The following SUMO2 variants were observed in gnomAD, a reference collection of about 807,000 sequenced individuals.
SUMO2 encodes the protein small ubiquitin-related modifier 2.
A neutral mutation model predicts 16.0 loss-of-function variants in SUMO2; 1 was observed. The ratio of observed to expected loss-of-function variants is 0.06; its 90% CI spans 0.02 to 0.30. SUMO2 has a LOEUF of 0.30. Among genes scored for constraint, SUMO2 ranks in the 10% least tolerant of loss-of-function variants. The probability of loss-of-function intolerance (pLI) is 1.00; values close to 1 mark genes in which losing one functional copy is unlikely to be tolerated. For missense variants in SUMO2, 16 were observed against 117.5 expected, an observed-to-expected ratio of 0.14 and a Z score of 3.99; for synonymous variants, 36 against 40.6, an observed-to-expected ratio of 0.89 and a Z score of 0.43.
chr17:75,180,915 T>C, intron 2 of SUMO2, 142 bp downstream of exon 2: 1 of 879,582 alleles, frequency 1.1e-6, no homozygotes, highest in Non-Finnish European at 1.8e-6. Context: ...ATATACCAAG[T>C]GCACGACAAA....
chr17:75,166,568 C>T lies in SUMO2; in HGVS notation c.*1771G>A, dbSNP rs2074694645. On this transcript the variant is annotated 3_prime_UTR_variant, in exon 4 of 4. Coordinates refer to ENST00000420826, the MANE Select transcript of SUMO2 (RefSeq NM_006937.4). ...CATTGGGAGGCTAAGGCAGATAGATCACTTAAGATCAGGGGTTTGAGCCCG... is the reference window on the plus strand; with the variant it reads ...CATTGGGAGGCTAAGGCAGATAGATTACTTAAGATCAGGGGTTTGAGCCCG... 1 of 152,178 alleles carries T rather than the reference C, an allele frequency of 6.6e-6. No homozygotes were observed. Among genetic ancestry groups the T allele is most frequent in the African/African-American group, 2.4e-5 (1 of 41,444 alleles). 9.4% of individuals were successfully genotyped at this position (152,178 alleles called of 1,614,324 possible).
intron 3 of SUMO2, among the ~76,000 whole-genome samples, chr17:75,174,509 G>C (rs2074766758): frequency 6.6e-6 from 1 of 152,066 alleles, no homozygotes; most frequent in African/African-American, 2.4e-5. Context: ...TTCAACCCGG[G>C]CAACAGAGAG....
intron 2 of SUMO2, 36 bp from the exon 3 acceptor site, chr17:75,174,859 G>C (rs543604299): frequency 1.3e-6 from 2 of 1,572,242 alleles, no homozygotes; most frequent in Non-Finnish European, 1.7e-6. Context: ...ACAGCATTAA[G>C]AGAAACAGAA....
rs1205746665 is a variant in SUMO2, at chr17:75,169,055, CA to C, written c.226-655del. Reference sequence around the variant, plus strand: ...GCAACATAGGGAGACAACATCTCTACAAAAAAAAAAAGGAAAAAAAAAAAAA... The same window carrying C: ...GCAACATAGGGAGACAACATCTCTACAAAAAAAAAAGGAAAAAAAAAAAAA... On this transcript the variant is annotated intron_variant, in intron 3 of 3. Transcript: ENST00000420826. Among the ~76,000 whole-genome samples, 638 of 63,906 alleles carry C rather than the reference CA, an allele frequency of 1.0e-2. 3 individuals are homozygous for C. The highest frequency in any genetic ancestry group is 0.03 in the African/African-American group (564 of 18,702). The allele number at this position is 63,906 out of a possible 152,430, so 41.9% of individuals were successfully genotyped here.
At chr17:75,175,100 C>G (rs1274195146) in intron 2 of SUMO2, among the ~76,000 whole-genome samples, 3 of 152,014 alleles carry the variant, frequency 2.0e-5, no homozygotes, top group Non-Finnish European at 4.4e-5. Context: ...TCTGCCTTAG[C>G]CTCCCAAGAG....
chr17:75,182,646 A>C (rs1362579767), intron 1 of SUMO2, 168 bp downstream of exon 1: 2 of 416,754 alleles, frequency 4.8e-6, no homozygotes, highest in Non-Finnish European at 3.7e-6. Context: ...GGGAGGGAGG[A>C]AGAGAGGGAG....
intron 1 of SUMO2, 97 bp from the exon 2 acceptor site, chr17:75,181,285 G>A: frequency 7.7e-7 from 1 of 1,301,254 alleles, no homozygotes; most frequent in East Asian, 2.4e-5. Flanking sequence ...AAATCAACAG[G>A]TTTCTCATAC....
Position 75,168,407 on chromosome 17 carries a change from A to G in SUMO2, c.226-6T>C. 1.9e-6 allele frequency: 3 copies of G among 1,604,368 alleles called. No homozygotes were observed. Among genetic ancestry groups the G allele is most frequent in the Non-Finnish European group, 1.7e-6 (2 of 1,175,568 alleles). ...TCTTCATCCTCCATTTCCAACTAGC[A>G]TAAAAGAAAAAACAAATGTAAAAGC... On this transcript the variant is annotated splice_region_variant and splice_polypyrimidine_tract_variant and intron_variant, in intron 3 of 3. Transcript: ENST00000420826.
chr17:75,180,362 C>T (rs1428095210), intron 2 of SUMO2, among the ~76,000 whole-genome samples: 2 of 95,554 alleles, frequency 2.1e-5, no homozygotes, highest in African/African-American at 3.6e-5. Flanking sequence ...TAAGTTCTAG[C>T]TTAAAAGAAA....
chr17:75,182,497 C>T (rs1338349939), intron 1 of SUMO2: 1 of 219,122 alleles, frequency 4.6e-6, no homozygotes, highest in Non-Finnish European at 8.9e-6. Context: ...TCCTCACGCG[C>T]GCCGGCCGGC....
Position 75,182,876 on chromosome 17 carries a change from G to A in SUMO2, c.-42C>T. On this transcript the variant is annotated 5_prime_UTR_variant, in exon 1 of 4. Coordinates refer to ENST00000420826, the MANE Select transcript of SUMO2 (RefSeq NM_006937.4). ...TCCTCAGCTGCCGCTTCACAAAAGA[G>A]GTACCAGGTCCGCACCAAACGAGCA... 7.3e-7 allele frequency: 1 copy of A among 1,372,920 alleles called. No individual in the cohort carries two copies. The highest frequency in any genetic ancestry group is 9.5e-7 in the Non-Finnish European group (1 of 1,054,746). The allele number at this position is 1,372,920 out of a possible 1,614,324, so 85.0% of individuals were successfully genotyped here. A position where few individuals can be genotyped will look rare whatever the true frequency, so the allele number is the denominator to read the frequency against.
intron 2 of SUMO2, among the ~76,000 whole-genome samples, chr17:75,179,304 G>T (rs1422609644): frequency 1.3e-5 from 2 of 152,146 alleles, no homozygotes; most frequent in African/African-American, 4.8e-5. Context: ...TGAGGCAGGT[G>T]GATCACCTGA....
At chr17:75,170,707 G>A (rs574999502) in intron 3 of SUMO2, among the ~76,000 whole-genome samples, 2 of 151,688 alleles carry the variant, frequency 1.3e-5, no homozygotes, top group African/African-American at 4.8e-5. Context: ...AAAATTAGCT[G>A]GGCATGGTGG....
At position 75,181,185 on chromosome 17, in the gene SUMO2, C is replaced by T. The variant is rs1213663390; in HGVS notation, c.25G>A (p.Gly9Arg). Residue 9 changes from glycine to arginine, a missense_variant, in exon 2 of 4, where the codon GGA becomes AGA. Transcript: ENST00000420826. Reference sequence around the variant, plus strand: ...TGATCGTTGTTCTCAGTCTTGACTCCTTCCTGTTAAAAGAAAAATAAAAGT... The same window carrying T: ...TGATCGTTGTTCTCAGTCTTGACTCTTTCCTGTTAAAAGAAAAATAAAAGT... MADEKPKE[G>R]VKTENNDHIN... 6.2e-7 allele frequency: 1 copy of T among 1,611,090 alleles called. No homozygotes were observed. Among genetic ancestry groups the T allele is most frequent in the East Asian group, 2.2e-5 (1 of 44,878 alleles).
At chr17:75,181,700 C>CAA (rs200199376) in intron 1 of SUMO2, among the ~76,000 whole-genome samples, 1 of 151,676 alleles carries the variant, frequency 6.6e-6, no homozygotes, top group Non-Finnish European at 1.5e-5. Flanking sequence ...AACACACAAA[C>CAA]AAAAAAAACA....
intron 2 of SUMO2, 28 bp from the exon 3 acceptor site, chr17:75,174,851 A>G (rs374771037): frequency 1.3e-6 from 2 of 1,592,076 alleles, no homozygotes; most frequent in Non-Finnish European, 1.7e-6. Flanking sequence ...AGCAATAAAC[A>G]GCATTAAGAG....
intron 3 of SUMO2, among the ~76,000 whole-genome samples, chr17:75,172,011 C>CTT (rs573705094): frequency 1.3e-4 from 18 of 139,412 alleles, no homozygotes; most frequent in Admixed American, 3.6e-4. Flanking sequence ...ATAATTGCGC[C>CTT]TTTTTTTTTT....
intron 3 of SUMO2, among the ~76,000 whole-genome samples, chr17:75,172,301 C>A (rs1223436984): frequency 1.3e-5 from 2 of 148,728 alleles, no homozygotes; most frequent in African/African-American, 4.9e-5. Flanking sequence ...GCTAGGATTA[C>A]AGTCGTGAGC....
intron 1 of SUMO2, among the ~76,000 whole-genome samples, chr17:75,181,484 T>C (rs991778305): frequency 6.6e-6 from 1 of 152,050 alleles, no homozygotes; most frequent in African/African-American, 2.4e-5. Context: ...AAGTTAAACT[T>C]CCTAAAATGA....
Sources: gnomAD v4.1 joint callset for allele counts (sites outside exome capture counted in the v4.1 genomes callset) on GRCh38, gnomAD v4.1.1 for gene constraint, MANE v1.5 for transcripts, NCBI Gene and HGNC (gene_info 2026-07-23, HGNC 2026-07-21) for gene names.